COL5A1: variants seen among roughly 807,000 people sequenced by gnomAD.
The protein encoded by COL5A1 is collagen alpha-1(V) chain.
COL5A1 carries 16 observed loss-of-function variants against 263.7 expected under a neutral mutation model. The observed-to-expected ratio is 0.06, with a 90% CI of 0.04 to 0.09. The LOEUF (loss-of-function observed/expected upper bound fraction) is 0.09. Among genes scored for constraint, COL5A1 ranks in the 10% least tolerant of loss-of-function variants. COL5A1 has a pLI of 1.00. For synonymous variants in COL5A1, 1,012 were observed against 1,004.5 expected, an observed-to-expected ratio of 1.01 and a Z score of -0.14; for missense variants, 2,036 against 2,540.5, an observed-to-expected ratio of 0.80 and a Z score of 4.27.
Position 134,805,027 on chromosome 9 carries a change from G to A in COL5A1, c.3167G>A (p.Arg1056His), listed in dbSNP as rs778769810. ...GGGAAAGATGGCCCTCCAGGATTAC[G>A]TGGTTTCCCTGGGGACCGAGGGCTT... ...LPGKDGPPGLRGFPGDRGLPG... is the reference protein window; with the variant it reads ...LPGKDGPPGLHGFPGDRGLPG... Residue 1056 changes from arginine to histidine, a missense_variant, in exon 40 of 66, where the codon CGT becomes CAT. Physicochemically the swap from Arg to His is conservative, Grantham distance 29. Coordinates refer to ENST00000371817, the MANE Select transcript of COL5A1 (RefSeq NM_000093.5). 7.4e-6 allele frequency: 12 copies of A among 1,613,862 alleles called. No homozygotes were observed. Among genetic ancestry groups the A allele is most frequent in the East Asian group, 2.2e-5 (1 of 44,894 alleles).
At chr9:134,814,113 T>G in intron 49 of COL5A1, 77 bp downstream of exon 49, 9 of 1,413,154 alleles carry the variant, frequency 6.4e-6, no homozygotes, top group Non-Finnish European at 8.8e-6. Context: ...TTGGAGGCTC[T>G]GGCTCTGCCT....
At chr9:134,720,590 G>C (rs1351288525) in intron 4 of COL5A1, among the ~76,000 whole-genome samples, 1 of 152,226 alleles carries the variant, frequency 6.6e-6, no homozygotes, top group African/African-American at 2.4e-5. Flanking sequence ...GGAAGCCCTG[G>C]GTTGAGAAGG....
intron 1 of COL5A1, among the ~76,000 whole-genome samples, chr9:134,643,072 T>C (rs191227672): frequency 5.2e-4 from 79 of 152,182 alleles, no homozygotes; most frequent in African/African-American, 1.9e-3. Context: ...CTGCCAAGGG[T>C]CAGCCCTTAG....
chr9:134,769,280 C>G (rs1357549719), intron 25 of COL5A1, among the ~76,000 whole-genome samples: 1 of 152,146 alleles, frequency 6.6e-6, no homozygotes, highest in Non-Finnish European at 1.5e-5. Flanking sequence ...GTCAGTTGGC[C>G]CAGTGACTCC....
At chr9:134,772,966 G>A (rs929370474) in intron 26 of COL5A1, 132 bp downstream of exon 26, 1 of 964,796 alleles carries the variant, frequency 1.0e-6, no homozygotes, top group Non-Finnish European at 1.6e-6. Flanking sequence ...CCTTCCTCAG[G>A]TGTCTCCGCC....
chr9:134,781,638 C>T (rs924642010), intron 28 of COL5A1, among the ~76,000 whole-genome samples: 2 of 152,196 alleles, frequency 1.3e-5, no homozygotes, highest in East Asian at 3.9e-4. Context: ...AGAGCTCCCG[C>T]ACTGTTCCCG....
intron 1 of COL5A1, among the ~76,000 whole-genome samples, chr9:134,658,777 T>C (rs1300114551): frequency 6.6e-6 from 1 of 152,210 alleles, no homozygotes; most frequent in East Asian, 1.9e-4. Context: ...GCTCCAGGCC[T>C]GGAGGGGAGG....
intron 2 of COL5A1, among the ~76,000 whole-genome samples, chr9:134,695,112 G>A (rs879783318): frequency 6.6e-6 from 1 of 152,156 alleles, no homozygotes; most frequent in African/African-American, 2.4e-5. Context: ...CCTCGGCTCT[G>A]GTGCTGTGGG....
intron 30 of COL5A1, among the ~76,000 whole-genome samples, 196 bp from the exon 31 acceptor site, chr9:134,785,799 C>T (rs1357322148): frequency 6.6e-6 from 1 of 152,180 alleles, no homozygotes; most frequent in Non-Finnish European, 1.5e-5. Context: ...TCGGGTACCC[C>T]CTGGATTTCA....
chr9:134,749,856 G>T (rs1835710573), intron 11 of COL5A1, among the ~76,000 whole-genome samples: 1 of 152,226 alleles, frequency 6.6e-6, no homozygotes, highest in African/African-American at 2.4e-5. Flanking sequence ...TCATCTTACT[G>T]GTTTTACATG....
At chr9:134,795,434 A>G (rs1588558782) in intron 34 of COL5A1, 119 bp downstream of exon 34, 1 of 864,390 alleles carries the variant, frequency 1.2e-6, no homozygotes, top group Non-Finnish European at 1.8e-6. Flanking sequence ...AAAAGGCAGG[A>G]CATTTTCTTA....
rs1008767750 is a variant in COL5A1 at position 134,758,854 on chromosome 9, G to A, written c.1935+558G>A. Among the ~76,000 whole-genome samples the A allele has an allele frequency of 2.0e-5, 3 of 152,178 alleles. No homozygotes were observed. The highest frequency in any genetic ancestry group is 2.9e-5 in the Non-Finnish European group (2 of 68,024). Reference sequence around the variant, plus strand: ...GTGACCTGGGGGTCTTCCTGGCTGCGCCGTTTCTATGTGGTTGTTGGAGAA... The same window carrying A: ...GTGACCTGGGGGTCTTCCTGGCTGCACCGTTTCTATGTGGTTGTTGGAGAA... On this transcript the variant is annotated intron_variant, in intron 18 of 65. Transcript: ENST00000371817. The surrounding 1 kb of genome is among the most constrained non-coding windows in gnomAD (Gnocchi z 4.1).
In COL5A1 at chr9:134,794,098, C is replaced by A. The variant is rs147012483; in HGVS notation, c.2701-984C>A. Among the ~76,000 whole-genome samples, 1,654 of 152,232 alleles carry A rather than the reference C, an allele frequency of 0.011. 43 individuals carry two copies. Among genetic ancestry groups the A allele is most frequent in the African/African-American group, 0.037 (1,545 of 41,524 alleles). On this transcript the variant is annotated intron_variant, in intron 32 of 65. Transcript: ENST00000371817. This position sits in a 1 kb window ranked among gnomAD's most constrained non-coding sequence, Gnocchi z 4.3. ...ATCCCAGCACTTTGGGAGGCTGAGGCGGGTGAATCACGAGGTCAAGAGATC... is the reference window on the plus strand; with the variant it reads ...ATCCCAGCACTTTGGGAGGCTGAGGAGGGTGAATCACGAGGTCAAGAGATC...
At chr9:134,732,377 GC>G in intron 9 of COL5A1, 1 of 605,570 alleles carries the variant, frequency 1.7e-6, no homozygotes, top group South Asian at 1.9e-5. Context: ...AGCCGGTCCT[GC>G]ACCCAAGCTC....
At position 134,745,766 on chromosome 9, in the gene COL5A1, T is replaced by C. The variant is rs139656697; in HGVS notation, c.1495-4776T>C. Among the ~76,000 whole-genome samples, 487 of 152,278 alleles carry C rather than the reference T, an allele frequency of 3.2e-3. 1 individual carries two copies. Among genetic ancestry groups the C allele is most frequent in the Non-Finnish European group, 5.2e-3 (355 of 68,018 alleles). ...TTTAAAGCAACAGGAATGTCTTCTC[T>C]CTTAGTTCTGGAGGCCAGAAATCTG... On this transcript the variant is annotated intron_variant, in intron 11 of 65. Transcript: ENST00000371817.
chr9:134,767,219 G>A, intron 23 of COL5A1, 91 bp from the exon 24 acceptor site: 1 of 1,475,156 alleles, frequency 6.8e-7, no homozygotes, highest in Non-Finnish European at 9.5e-7. Context: ...GGATGAGGGA[G>A]ACATCAATGA....
At position 134,731,642 on chromosome 9, in the gene COL5A1, C is replaced by A. The variant is rs1176453088; in HGVS notation, c.1311C>A (p.Asn437Lys). The A allele has an allele frequency of 6.2e-7, 1 of 1,613,832 alleles. No homozygotes were observed. Among genetic ancestry groups the A allele is most frequent in the East Asian group, 2.2e-5 (1 of 44,870 alleles). Residue 437 changes from asparagine to lysine, a missense_variant, in exon 8 of 66, where the codon AAC (asparagine) becomes AAA (lysine). Coordinates refer to ENST00000371817, the MANE Select transcript of COL5A1 (RefSeq NM_000093.5). ...AGATCGGGCCGGGAATGCCGGCGAACCAGGATACCATCTATGAAGGGGTGA... is the reference window on the plus strand; with the variant it reads ...AGATCGGGCCGGGAATGCCGGCGAAACAGGATACCATCTATGAAGGGGTGA... ...PSEIGPGMPA[N>K]QDTIYEGIGG...
chr9:134,787,249 A>G (rs1295036375), intron 31 of COL5A1, among the ~76,000 whole-genome samples: 2 of 152,242 alleles, frequency 1.3e-5, no homozygotes, highest in African/African-American at 2.4e-5. Context: ...AAGGAATGGT[A>G]CATGTGTCCT....
intron 2 of COL5A1, among the ~76,000 whole-genome samples, chr9:134,697,116 C>T (rs1378654238): frequency 6.6e-6 from 1 of 151,994 alleles, no homozygotes; most frequent in Non-Finnish European, 1.5e-5. Flanking sequence ...GAGCCCACCC[C>T]TCAACTGTGA....
Sources: gnomAD v4.1 joint callset for allele counts (sites outside exome capture counted in the v4.1 genomes callset) on GRCh38, gnomAD v4.1.1 for gene constraint, Gnocchi (gnomAD v3.1) non-coding constraint, MANE v1.5 for transcripts, NCBI Gene and HGNC (gene_info 2026-07-23, HGNC 2026-07-21) for gene names.